Variants in NXPH1 observed in about 807,000 individuals in gnomAD.
NXPH1 encodes neurexophilin-1.
NXPH1 carries 5 observed loss-of-function variants against 23.7 expected under a neutral mutation model. The ratio of observed to expected loss-of-function variants is 0.21; its 90% confidence interval spans 0.11 to 0.44. NXPH1 has a LOEUF of 0.44. Among genes scored for constraint, NXPH1 ranks in the 20% least tolerant of loss-of-function variants. The pLI, the probability that NXPH1 is intolerant of heterozygous loss-of-function variation, is 0.99. For missense variants in NXPH1, 324 were observed against 321.6 expected, an observed-to-expected ratio of 1.01 and a Z score of -0.06; for synonymous variants, 144 against 122.2, an observed-to-expected ratio of 1.18 and a Z score of -1.18.
chr7:8,532,943 T>C (rs1254302422), intron 2 of NXPH1, among the ~76,000 whole-genome samples: 1 of 152,144 alleles, frequency 6.6e-6, no homozygotes, highest in Non-Finnish European at 1.5e-5. Context: ...GCCTGATAAA[T>C]AGTGTACTAT....
At chr7:8,727,676 T>C (rs567581485) in intron 2 of NXPH1, among the ~76,000 whole-genome samples, 2 of 152,304 alleles carry the variant, frequency 1.3e-5, no homozygotes, top group South Asian at 4.1e-4. Context: ...CTGAGGGCTC[T>C]GTTCTGTTCC....
At chr7:8,600,487 A>G (rs955673282) in intron 2 of NXPH1, among the ~76,000 whole-genome samples, 3 of 152,134 alleles carry the variant, frequency 2.0e-5, no homozygotes, top group African/African-American at 4.8e-5. Flanking sequence ...TGTGCACCAC[A>G]TATGTGAAAG....
intron 2 of NXPH1, among the ~76,000 whole-genome samples, chr7:8,648,927 G>C (rs1371207473): frequency 6.6e-6 from 1 of 151,588 alleles, no homozygotes; most frequent in Non-Finnish European, 1.5e-5. Context: ...GTCTTACATT[G>C]AAACATTATT....
At chr7:8,546,908 C>G (rs1476596086) in intron 2 of NXPH1, among the ~76,000 whole-genome samples, 1 of 151,422 alleles carries the variant, frequency 6.6e-6, no homozygotes, top group Non-Finnish European at 1.5e-5. Context: ...CTCTTTGACC[C>G]TCAAATACTT....
chr7:8,520,178 C>G (rs1012224167), intron 2 of NXPH1, among the ~76,000 whole-genome samples: 2 of 152,148 alleles, frequency 1.3e-5, no homozygotes, highest in African/African-American at 4.8e-5. Flanking sequence ...TCATGCTGAC[C>G]TGGATTAGGC....
At chr7:8,513,994 C>G (rs910529564) in intron 2 of NXPH1, among the ~76,000 whole-genome samples, 7 of 152,060 alleles carry the variant, frequency 4.6e-5, no homozygotes, top group African/African-American at 1.4e-4. Flanking sequence ...ACCATCTTCT[C>G]CCTGTTTCTC....
rs140796630 is a variant in NXPH1, at chr7:8,465,029, C to T, written c.54+29262C>T. Among the ~76,000 whole-genome samples, 3 of 152,130 alleles carry T rather than the reference C, an allele frequency of 2.0e-5. No homozygotes were observed. The South Asian group carries it at 6.2e-4, about 32-fold the overall frequency. ...AATCCAGATGGGAGAGAAGGAGACA[C>T]GAAGACCTATTAAGAGGCGGATATA... On this transcript the variant is annotated intron_variant, in intron 2 of 2. Transcript: ENST00000405863.
intron 2 of NXPH1, among the ~76,000 whole-genome samples, chr7:8,607,321 C>G (rs1358845395): frequency 6.6e-6 from 1 of 152,062 alleles, no homozygotes; most frequent in African/African-American, 2.4e-5. Flanking sequence ...TAATTAAGAC[C>G]AATGAGTTGC....
chr7:8,528,820 A>G (rs1382892847), intron 2 of NXPH1, among the ~76,000 whole-genome samples: 1 of 152,242 alleles, frequency 6.6e-6, no homozygotes, highest in Non-Finnish European at 1.5e-5. Context: ...AGAGTACATG[A>G]GTTTTCTATT....
intron 2 of NXPH1, among the ~76,000 whole-genome samples, chr7:8,725,310 C>T (rs1305309465): frequency 3.3e-5 from 5 of 151,810 alleles, no homozygotes; most frequent in African/African-American, 1.2e-4. Context: ...GGCAACATGG[C>T]GAAACCCTGT....
chr7:8,581,961 C>A (rs761044309), intron 2 of NXPH1, among the ~76,000 whole-genome samples: 1 of 152,182 alleles, frequency 6.6e-6, no homozygotes, highest in African/African-American at 2.4e-5. Flanking sequence ...CTATACCTGC[C>A]AAGGGCGAGA....
At chr7:8,498,428 A>G (rs1057128732) in intron 2 of NXPH1, among the ~76,000 whole-genome samples, 1 of 152,010 alleles carries the variant, frequency 6.6e-6, no homozygotes, top group Non-Finnish European at 1.5e-5. Context: ...CTGGTTTATC[A>G]GTCCCTCTAT....
At chr7:8,480,933 G>C (rs1359755808) in intron 2 of NXPH1, among the ~76,000 whole-genome samples, 2 of 152,112 alleles carry the variant, frequency 1.3e-5, no homozygotes, top group Non-Finnish European at 2.9e-5. Context: ...TCATTTCATG[G>C]TGAGACTCTT....
chr7:8,440,184 C>T (rs1816273986), intron 2 of NXPH1, among the ~76,000 whole-genome samples: 1 of 152,206 alleles, frequency 6.6e-6, no homozygotes, highest in Non-Finnish European at 1.5e-5. Context: ...TATTCCTGAG[C>T]TCTGGGGGAC....
chr7:8,710,737 A>G (rs950966940), intron 2 of NXPH1, among the ~76,000 whole-genome samples: 3 of 122,842 alleles, frequency 2.4e-5, no homozygotes, highest in South Asian at 2.6e-4. Flanking sequence ...ATCTCGGCTC[A>G]CTGCAAGCTC....
intron 2 of NXPH1, among the ~76,000 whole-genome samples, chr7:8,633,780 T>G (rs1232616381): frequency 1.3e-5 from 2 of 152,212 alleles, no homozygotes; most frequent in Non-Finnish European, 2.9e-5. Context: ...TGACAGTCTC[T>G]CTTGAGTTGA....
chr7:8,722,798 A>C (rs1779990686), intron 2 of NXPH1, among the ~76,000 whole-genome samples: 1 of 152,164 alleles, frequency 6.6e-6, no homozygotes, highest in Non-Finnish European at 1.5e-5. Flanking sequence ...CTCTGCTCCT[A>C]ACCATCTTGA....
At chr7:8,605,851 C>A (rs1336842582) in intron 2 of NXPH1, among the ~76,000 whole-genome samples, 1 of 152,060 alleles carries the variant, frequency 6.6e-6, no homozygotes, top group East Asian at 1.9e-4. Flanking sequence ...CTATTTGCAG[C>A]TTTGTAAAAG....
chr7:8,697,859 GA>G (rs1763147766), intron 2 of NXPH1, among the ~76,000 whole-genome samples: 1 of 152,162 alleles, frequency 6.6e-6, no homozygotes, highest in African/African-American at 2.4e-5. Context: ...TGTGTTTGGA[GA>G]GTGGAGCAAG....
Sources: gnomAD v4.1 joint callset for allele counts (sites outside exome capture counted in the v4.1 genomes callset) on GRCh38, gnomAD v4.1.1 for gene constraint, MANE v1.5 for transcripts, NCBI Gene and HGNC (gene_info 2026-07-23, HGNC 2026-07-21) for gene names.